COL23A1: variants seen among roughly 807,000 people sequenced by gnomAD.
COL23A1 encodes collagen alpha-1(XXIII) chain.
Under a neutral mutation model 99.3 loss-of-function variants are expected in COL23A1, and 97 were observed. That is an observed-to-expected ratio of 0.98 (90% CI 0.83 to 1.16). The LOEUF is 1.16. COL23A1 is among the 50% of genes most tolerant of loss of function. COL23A1 has a pLI of 0.00. For missense variants in COL23A1, 762 were observed against 757.4 expected (o/e 1.01, Z -0.07); for synonymous variants, 320 against 308.2 (o/e 1.04, Z -0.40).
chr5:178,444,199 A>G (rs1219529623), intron 2 of COL23A1, among the ~76,000 whole-genome samples: 1 of 152,210 alleles, frequency 6.6e-6, no homozygotes, highest in African/African-American at 2.4e-5. Context: ...TTCTGTCTCA[A>G]TAAAAAATAA....
chr5:178,483,367 T>C (rs2647704), intron 2 of COL23A1, among the ~76,000 whole-genome samples: 144,730 of 152,116 alleles, frequency 0.95, 68,904 homozygotes, highest in East Asian at 1. Context: ...GAGGCATCCC[T>C]AGAAAGACAC....
intron 2 of COL23A1, among the ~76,000 whole-genome samples, chr5:178,519,312 A>G (rs1759814415): frequency 3.3e-5 from 5 of 152,220 alleles, no homozygotes; most frequent in Admixed American, 3.3e-4. Flanking sequence ...GTCTACCTTC[A>G]CAGGCCATAA....
chr5:178,386,570 C>G (rs1763685570), intron 2 of COL23A1, among the ~76,000 whole-genome samples: 1 of 152,018 alleles, frequency 6.6e-6, no homozygotes, highest in Non-Finnish European at 1.5e-5. Flanking sequence ...GGATATGAGT[C>G]TGTGTGTCAC....
At chr5:178,549,059 G>C (rs1380666393) in intron 2 of COL23A1, among the ~76,000 whole-genome samples, 5 of 151,998 alleles carry the variant, frequency 3.3e-5, no homozygotes, top group Admixed American at 3.3e-4. Flanking sequence ...GCAATGGCAC[G>C]ATCTCGGCTC....
chr5:178,512,583 G>C (rs1370942099), intron 2 of COL23A1, among the ~76,000 whole-genome samples: 4 of 152,178 alleles, frequency 2.6e-5, no homozygotes, highest in Non-Finnish European at 5.9e-5. Flanking sequence ...CAGCAGCCCT[G>C]CTCAGATTCT....
intron 2 of COL23A1, among the ~76,000 whole-genome samples, chr5:178,532,727 G>A (rs957432519): frequency 2.6e-5 from 4 of 152,202 alleles, no homozygotes; most frequent in African/African-American, 9.7e-5. Flanking sequence ...CGGGGCTTTG[G>A]GAGGTAATTA....
chr5:178,502,995 C>G (rs185048071), intron 2 of COL23A1, among the ~76,000 whole-genome samples: 4 of 152,174 alleles, frequency 2.6e-5, no homozygotes, highest in Non-Finnish European at 4.4e-5. Flanking sequence ...CAGTCACAGA[C>G]GAGCACAGTC....
chr5:178,430,147 C>T (rs1016806591), intron 2 of COL23A1, among the ~76,000 whole-genome samples: 3 of 152,232 alleles, frequency 2.0e-5, no homozygotes, highest in Non-Finnish European at 4.4e-5. Context: ...CTGGGTGGAA[C>T]TGTCACTTCG....
At chr5:178,262,568 A>C (rs1284787233) in intron 9 of COL23A1, among the ~76,000 whole-genome samples, 1 of 152,052 alleles carries the variant, frequency 6.6e-6, no homozygotes, top group Non-Finnish European at 1.5e-5. Flanking sequence ...TGGGCTCCAC[A>C]ATGAAGGGAA....
At chr5:178,464,887 A>C (rs539228830) in intron 2 of COL23A1, among the ~76,000 whole-genome samples, 10 of 152,324 alleles carry the variant, frequency 6.6e-5, no homozygotes, top group Non-Finnish European at 1.3e-4. Context: ...GCCCAAGGTC[A>C]CACAGTGGCT....
intron 1 of COL23A1, among the ~76,000 whole-genome samples, chr5:178,580,589 A>G (rs946300793): frequency 3.9e-5 from 6 of 152,180 alleles, no homozygotes; most frequent in Non-Finnish European, 7.3e-5. Flanking sequence ...CACATGATGA[A>G]AACTGCATAA....
Position 178,384,198 on chromosome 5 carries a change from GAGAGC to G in COL23A1, c.362-77284_362-77280del, listed in dbSNP as rs1763540405. Among the ~76,000 whole-genome samples the G allele has an allele frequency of 6.6e-6, 1 of 151,592 alleles. No homozygotes were observed. Among genetic ancestry groups the G allele is most frequent in the South Asian group, 2.1e-4 (1 of 4,826 alleles). ...GCGGCACTTTTAAGATAGTGACAACGAGAGCAGCGTGGAGCCAGACGCTGCTGCGA... is the reference window on the plus strand; with the variant it reads ...GCGGCACTTTTAAGATAGTGACAACGAGCGTGGAGCCAGACGCTGCTGCGA... On this transcript the variant is annotated intron_variant, in intron 2 of 28. Coordinates refer to ENST00000390654, the MANE Select transcript of COL23A1 (RefSeq NM_173465.4). This position sits in a 1 kb window ranked among gnomAD's most constrained non-coding sequence, Gnocchi z 5.5.
intron 2 of COL23A1, among the ~76,000 whole-genome samples, chr5:178,341,434 G>C (rs1441174269): frequency 6.6e-6 from 1 of 152,160 alleles, no homozygotes; most frequent in Non-Finnish European, 1.5e-5. Flanking sequence ...CTCCAATCGG[G>C]TACCCCAGAG....
intron 5 of COL23A1, among the ~76,000 whole-genome samples, chr5:178,277,373 C>CA (rs1012256144): frequency 2.7e-4 from 41 of 152,076 alleles, no homozygotes; most frequent in African/African-American, 9.7e-4. Context: ...CTCAAACAAA[C>CA]AAAAAAACAA....
chr5:178,494,494 T>C (rs1279953521), intron 2 of COL23A1, among the ~76,000 whole-genome samples: 1 of 152,152 alleles, frequency 6.6e-6, no homozygotes, highest in Non-Finnish European at 1.5e-5. Context: ...CTGGCCAACA[T>C]GGTGAAACCC....
rs907757245 is a variant in COL23A1, at chr5:178,434,294, G to T, written c.361+126388C>A. Reference sequence around the variant, plus strand: ...TCTGCTGGCCTCTGCAGCCTTCTTGGGTACCTCCTCCTCACGTACTCACTG... The same window carrying T: ...TCTGCTGGCCTCTGCAGCCTTCTTGTGTACCTCCTCCTCACGTACTCACTG... On this transcript the variant is annotated intron_variant, in intron 2 of 28. Coordinates refer to ENST00000390654, the MANE Select transcript of COL23A1 (RefSeq NM_173465.4). This position sits in a 1 kb window ranked among gnomAD's most constrained non-coding sequence, Gnocchi z 4.3. Among the ~76,000 whole-genome samples, 2 of 152,328 alleles carry T rather than the reference G, an allele frequency of 1.3e-5. No individual in the cohort carries two copies. Among genetic ancestry groups the T allele is most frequent in the South Asian group, 4.1e-4 (2 of 4,832 alleles).
At chr5:178,585,266 C>G (rs1763871739) in intron 1 of COL23A1, among the ~76,000 whole-genome samples, 1 of 152,168 alleles carries the variant, frequency 6.6e-6, no homozygotes, top group African/African-American at 2.4e-5. Flanking sequence ...ACAACAGAAA[C>G]ATTCCATGGC....
intron 2 of COL23A1, among the ~76,000 whole-genome samples, chr5:178,425,414 T>C (rs1021635970): frequency 1.4e-5 from 2 of 147,180 alleles, no homozygotes; most frequent in African/African-American, 5.0e-5. Flanking sequence ...AGAGCAAGAC[T>C]CCATCTCAAA....
chr5:178,277,685 T>C (rs1329528724), intron 5 of COL23A1, among the ~76,000 whole-genome samples: 1 of 152,260 alleles, frequency 6.6e-6, no homozygotes. Flanking sequence ...TGCTCGGTGA[T>C]GCCTGAGTGT....
Sources: gnomAD v4.1 joint callset for allele counts (sites outside exome capture counted in the v4.1 genomes callset) on GRCh38, gnomAD v4.1.1 for gene constraint, Gnocchi (gnomAD v3.1) non-coding constraint, MANE v1.5 for transcripts, NCBI Gene and HGNC (gene_info 2026-07-23, HGNC 2026-07-21) for gene names.